TMCC1: variants seen among roughly 807,000 people sequenced by gnomAD.
The protein encoded by TMCC1 is transmembrane and coiled-coil domain family 1, also known as transmembrane and coiled-coil domains protein 1.
TMCC1 carries 15 observed loss-of-function variants against 52.4 expected under a neutral mutation model. The ratio of observed to expected loss-of-function variants is 0.29; its 90% CI spans 0.19 to 0.44. The LOEUF (loss-of-function observed/expected upper bound fraction) is 0.44. Ranked by LOEUF, TMCC1 falls within the 20% of genes least tolerant of loss-of-function variation. The probability of loss-of-function intolerance (pLI) is 1.00; values close to 1 mark genes in which losing one functional copy is unlikely to be tolerated. For missense variants in TMCC1, 503 were observed against 806.0 expected, an observed-to-expected ratio of 0.62 and a Z score of 4.55; for synonymous variants, 279 against 301.9, an observed-to-expected ratio of 0.92 and a Z score of 0.79.
At chr3:129,820,367 T>TA (rs1040790503) in intron 4 of TMCC1, among the ~76,000 whole-genome samples, 7 of 151,302 alleles carry the variant, frequency 4.6e-5, no homozygotes, top group African/African-American at 1.5e-4. Flanking sequence ...AATGTTAAAT[T>TA]AAAAAAATAT....
intron 4 of TMCC1, among the ~76,000 whole-genome samples, chr3:129,720,181 C>CAAAAAAAA (rs765678095): frequency 1.0e-4 from 6 of 58,706 alleles, no homozygotes; most frequent in South Asian, 5.9e-4. Context: ...GACCCTGTCT[C>CAAAAAAAA]AAAAAAAAAA....
chr3:129,677,313 G>A (rs2088542851), intron 4 of TMCC1, among the ~76,000 whole-genome samples: 2 of 152,118 alleles, frequency 1.3e-5, no homozygotes, highest in African/African-American at 4.8e-5. Flanking sequence ...CAAGACTTTA[G>A]AATGAAGTAT....
intron 1 of TMCC1, among the ~76,000 whole-genome samples, chr3:129,881,618 A>G (rs1374517669): frequency 2.0e-5 from 3 of 152,230 alleles, no homozygotes; most frequent in African/African-American, 7.2e-5. Flanking sequence ...TAACATACAG[A>G]ACAAGAAATC....
chr3:129,817,001 C>T (rs1466945204), intron 4 of TMCC1, among the ~76,000 whole-genome samples: 1 of 151,962 alleles, frequency 6.6e-6, no homozygotes, highest in East Asian at 1.9e-4. Context: ...GCACTCCAAC[C>T]TGGGTGACAG....
Position 129,828,585 on chromosome 3 carries a change from A to C in TMCC1, c.-130-77T>G. 2.0e-6 allele frequency: 1 copy of C among 504,810 alleles called. No individual in the cohort carries two copies. Among genetic ancestry groups the C allele is most frequent in the Admixed American group, 3.7e-5 (1 of 26,824 alleles). The allele number at this position is 504,810 out of a possible 1,614,324, so 31.3% of individuals were successfully genotyped here. A position where few individuals can be genotyped will look rare whatever the true frequency, so the allele number is the denominator to read the frequency against. ...AAATCCATGCAGAAACTCCAGTGTT[A>C]AAACAAAGAAAAACATGCTACTGGC... On this transcript the variant is annotated intron_variant, in intron 3 of 6. Coordinates refer to ENST00000393238, the MANE Select transcript of TMCC1 (RefSeq NM_001017395.5). The surrounding 1 kb of genome is among the most constrained non-coding windows in gnomAD (Gnocchi z 4.1).
intron 4 of TMCC1, among the ~76,000 whole-genome samples, chr3:129,727,239 T>C (rs1406743307): frequency 1.3e-5 from 2 of 152,202 alleles, no homozygotes; most frequent in African/African-American, 4.8e-5. Flanking sequence ...ATATAAATCC[T>C]CTGTGGAGGC....
At chr3:129,745,696 C>T (rs116237623) in intron 4 of TMCC1, among the ~76,000 whole-genome samples, 3 of 152,184 alleles carry the variant, frequency 2.0e-5, no homozygotes, top group African/African-American at 4.8e-5. Flanking sequence ...CATGGTGGCT[C>T]ACACCTGTAA....
chr3:129,864,786 G>A (rs1441957080), intron 2 of TMCC1, among the ~76,000 whole-genome samples: 1 of 152,164 alleles, frequency 6.6e-6, no homozygotes, highest in Non-Finnish European at 1.5e-5. Context: ...TTAGGTTATG[G>A]TCAGTACCTT....
chr3:129,877,197 C>T (rs142187747), intron 2 of TMCC1, among the ~76,000 whole-genome samples: 165 of 152,240 alleles, frequency 1.1e-3, no homozygotes, highest in African/African-American at 3.4e-3. Context: ...AACCTCCAAC[C>T]GCTCCACTAA....
At chr3:129,770,641 TA>T in intron 4 of TMCC1, among the ~76,000 whole-genome samples, 1 of 151,888 alleles carries the variant, frequency 6.6e-6, no homozygotes, top group African/African-American at 2.4e-5. Flanking sequence ...TGAAATAAAA[TA>T]AAATAAAATA....
chr3:129,784,623 G>C (rs2055835310), intron 4 of TMCC1, among the ~76,000 whole-genome samples: 1 of 151,438 alleles, frequency 6.6e-6, no homozygotes, highest in Admixed American at 6.6e-5. Context: ...ATACATGGTG[G>C]GGGGTGGGGA....
chr3:129,837,480 C>A (rs1473035108), intron 2 of TMCC1, among the ~76,000 whole-genome samples: 1 of 152,160 alleles, frequency 6.6e-6, no homozygotes, highest in East Asian at 1.9e-4. Flanking sequence ...TAATAAACAT[C>A]AAACACAGCC....
intron 2 of TMCC1, among the ~76,000 whole-genome samples, chr3:129,869,464 A>T (rs2060813591): frequency 6.6e-6 from 1 of 152,196 alleles, no homozygotes. Flanking sequence ...ATTTGCAGCC[A>T]AGCCAGACAG....
chr3:129,704,609 G>C (rs923890623), intron 4 of TMCC1, among the ~76,000 whole-genome samples: 2 of 152,040 alleles, frequency 1.3e-5, no homozygotes, highest in Non-Finnish European at 2.9e-5. Context: ...AGTAGAGATG[G>C]GGTTTCACCA....
At chr3:129,830,849 GC>G (rs1408768067) in intron 3 of TMCC1, among the ~76,000 whole-genome samples, 1 of 152,160 alleles carries the variant, frequency 6.6e-6, no homozygotes, top group Non-Finnish European at 1.5e-5. Context: ...TCTGGTTGCT[GC>G]CTATTTAAAA....
intron 4 of TMCC1, among the ~76,000 whole-genome samples, chr3:129,757,535 A>C (rs1576710044): frequency 6.6e-6 from 1 of 152,314 alleles, no homozygotes; most frequent in South Asian, 2.1e-4. Context: ...AATAAAAAGG[A>C]ATCGGCTGGG....
At chr3:129,871,866 C>T (rs989481417) in intron 2 of TMCC1, among the ~76,000 whole-genome samples, 1 of 152,168 alleles carries the variant, frequency 6.6e-6, no homozygotes, top group Non-Finnish European at 1.5e-5. Flanking sequence ...GTTCTTCAAC[C>T]TCATGCATGA....
chr3:129,814,946 T>A (rs1237302617), intron 4 of TMCC1, among the ~76,000 whole-genome samples: 1 of 152,104 alleles, frequency 6.6e-6, no homozygotes, highest in Non-Finnish European at 1.5e-5. Context: ...ACTGATAGAC[T>A]GTAATACAAT....
chr3:129,688,210 C>A (rs2089546519), intron 4 of TMCC1: 6 of 985,260 alleles, frequency 6.1e-6, no homozygotes, highest in African/African-American at 1.7e-5. Flanking sequence ...GCTGATTTTG[C>A]TTGCCACAAA....
Sources: gnomAD v4.1 joint callset for allele counts (sites outside exome capture counted in the v4.1 genomes callset) on GRCh38, gnomAD v4.1.1 for gene constraint, Gnocchi (gnomAD v3.1) non-coding constraint, MANE v1.5 for transcripts, NCBI Gene and HGNC (gene_info 2026-07-23, HGNC 2026-07-21) for gene names.